DIS3L2: variants seen among roughly 807,000 people sequenced by gnomAD.
DIS3L2 encodes the protein DIS3 like 3'-5' exoribonuclease 2.
Under a neutral mutation model 97.5 loss-of-function variants are expected in DIS3L2, and 34 were observed. The observed-to-expected ratio is 0.35, with a 90% CI of 0.27 to 0.46. DIS3L2 has a LOEUF of 0.46. DIS3L2 is among the 20% of genes least tolerant of loss of function. The pLI is 1.00. For synonymous variants in DIS3L2, 435 were observed against 445.2 expected (o/e 0.98, Z 0.29); for missense variants, 1,038 against 1,146.0 (o/e 0.91, Z 1.36).
intron 9 of DIS3L2, among the ~76,000 whole-genome samples, chr2:232,182,321 ATAT>A (rs1425609874): frequency 6.6e-5 from 10 of 152,102 alleles, no homozygotes; most frequent in African/African-American, 2.4e-4. Flanking sequence ...TAGTCCTTGT[ATAT>A]TTATTGAAAC....
At chr2:232,302,225 C>T (rs554687474) in intron 14 of DIS3L2, among the ~76,000 whole-genome samples, 13 of 150,394 alleles carry the variant, frequency 8.6e-5, no homozygotes, top group South Asian at 4.3e-4. Flanking sequence ...CATCATACAC[C>T]GGGGCCTGTA....
At chr2:232,198,661 C>A (rs1181776484) in intron 9 of DIS3L2, 1 of 152,220 alleles carries the variant, frequency 6.6e-6, no homozygotes, top group Non-Finnish European at 1.5e-5. Flanking sequence ...TGAACACCAG[C>A]AAGCCTAGCT....
intron 1 of DIS3L2, among the ~76,000 whole-genome samples, chr2:232,008,775 C>G (rs1010164658): frequency 1.3e-5 from 2 of 152,152 alleles, no homozygotes; most frequent in African/African-American, 4.8e-5. Context: ...TTAGCCTGAT[C>G]AGTTGTGGGT....
At chr2:232,022,899 A>T (rs1437943983) in intron 3 of DIS3L2, among the ~76,000 whole-genome samples, 1 of 152,160 alleles carries the variant, frequency 6.6e-6, no homozygotes, top group Non-Finnish European at 1.5e-5. Context: ...TTAACAAGGG[A>T]CTGGCCTTGG....
chr2:232,313,173 A>C (rs577545954), intron 14 of DIS3L2, among the ~76,000 whole-genome samples: 13 of 152,200 alleles, frequency 8.5e-5, no homozygotes, highest in Non-Finnish European at 1.6e-4. Context: ...CCTGATCTCA[A>C]ACAGAAGAGT....
chr2:232,086,613 G>GTATATA (rs1159140399), intron 5 of DIS3L2, among the ~76,000 whole-genome samples: 6,105 of 103,748 alleles, frequency 0.059, 338 homozygotes, highest in Admixed American at 0.096. Context: ...GTGTGTGTGT[G>GTATATA]TATATATATA....
At chr2:232,236,644 TACA>T (rs1216745945) in intron 10 of DIS3L2, among the ~76,000 whole-genome samples, 20 of 152,232 alleles carry the variant, frequency 1.3e-4, no homozygotes, top group African/African-American at 4.3e-4. Context: ...CATTTATCAA[TACA>T]ACAAGTTGTA....
intron 10 of DIS3L2, among the ~76,000 whole-genome samples, chr2:232,214,043 C>G (rs1692268014): frequency 6.6e-6 from 1 of 152,146 alleles, no homozygotes; most frequent in Admixed American, 6.5e-5. Flanking sequence ...TGAGCATTAC[C>G]CAGCAATGTA....
At chr2:232,081,373 C>T (rs910845269) in intron 5 of DIS3L2, among the ~76,000 whole-genome samples, 12 of 152,154 alleles carry the variant, frequency 7.9e-5, no homozygotes, top group Admixed American at 2.0e-4. Context: ...AACGTTCATA[C>T]GTTATAAAAC....
intron 3 of DIS3L2, chr2:232,023,209 C>T (rs1320253173): frequency 6.6e-6 from 1 of 152,124 alleles, no homozygotes; most frequent in East Asian, 1.9e-4. Flanking sequence ...ATCAGTGTGT[C>T]TCAGGGTCTT....
chr2:232,009,002 C>T (rs912813932), intron 1 of DIS3L2, among the ~76,000 whole-genome samples: 4 of 152,142 alleles, frequency 2.6e-5, no homozygotes, highest in African/African-American at 9.7e-5. Flanking sequence ...TCTTGAGCTT[C>T]TCTAGTGAAT....
chr2:232,097,562 A>G (rs1452336588), intron 6 of DIS3L2, among the ~76,000 whole-genome samples: 1 of 152,022 alleles, frequency 6.6e-6, no homozygotes, highest in Non-Finnish European at 1.5e-5. Context: ...GCTTCCACCA[A>G]TGTTCACTTA....
intron 8 of DIS3L2, among the ~76,000 whole-genome samples, chr2:232,139,851 G>A (rs1236798344): frequency 6.6e-6 from 1 of 152,144 alleles, no homozygotes; most frequent in Non-Finnish European, 1.5e-5. Context: ...ATAAAGGGTT[G>A]CAATGGAGGA....
chr2:232,288,459 A>C (rs2106309505), intron 13 of DIS3L2, among the ~76,000 whole-genome samples: 1 of 152,348 alleles, frequency 6.6e-6, no homozygotes, highest in Non-Finnish European at 1.5e-5. Context: ...CATGAGGACA[A>C]CCATAGAGGA....
At chr2:232,010,020 T>C (rs1694151560) in intron 1 of DIS3L2, among the ~76,000 whole-genome samples, 1 of 152,234 alleles carries the variant, frequency 6.6e-6, no homozygotes, top group African/African-American at 2.4e-5. Flanking sequence ...CCCTGGTAGC[T>C]TCTGTACCAA....
chr2:232,067,904 A>T (rs1001430601), intron 5 of DIS3L2, among the ~76,000 whole-genome samples: 1 of 152,056 alleles, frequency 6.6e-6, no homozygotes, highest in Non-Finnish European at 1.5e-5. Context: ...ACTGTGTCTA[A>T]TATTAATATG....
At chr2:232,239,002 G>A (rs769827853) in intron 11 of DIS3L2, among the ~76,000 whole-genome samples, 15 of 152,144 alleles carry the variant, frequency 9.9e-5, no homozygotes, top group Non-Finnish European at 1.8e-4. Flanking sequence ...GTGGCATGAC[G>A]ATTTCCTATT....
chr2:232,300,069 G>A lies in DIS3L2; in HGVS notation c.1689G>A (p.Glu563=). Residue 563 remains glutamate (E), a synonymous_variant, in exon 14 of 21, where the codon GAG becomes GAA. Transcript: ENST00000325385. ...AGCTTGCTTTCACTCTGGACCACGA[G>A]ACCGGATTGCCTCAAGGATGTCATA... The part of the protein sequence containing the change: ...QLKLAFTLDH[E]TGLPQGCHIY... 1.2e-6 allele frequency: 2 copies of A among 1,613,934 alleles called. No homozygotes were observed. The highest frequency in any genetic ancestry group is 1.7e-6 in the Non-Finnish European group (2 of 1,179,872).
chr2:231,973,421 C>T (rs1319825218), intron 1 of DIS3L2, among the ~76,000 whole-genome samples: 1 of 152,098 alleles, frequency 6.6e-6, no homozygotes, highest in Non-Finnish European at 1.5e-5. Context: ...TCACAAATTT[C>T]ATAGTTTAAT....
Sources: gnomAD v4.1 joint callset for allele counts (sites outside exome capture counted in the v4.1 genomes callset) on GRCh38, gnomAD v4.1.1 for gene constraint, MANE v1.5 for transcripts, NCBI Gene and HGNC (gene_info 2026-07-23, HGNC 2026-07-21) for gene names.